ITGB3BP: variants seen among roughly 807,000 people sequenced by gnomAD.
ITGB3BP encodes the protein centromere protein R.
A neutral mutation model predicts 29.1 loss-of-function variants in ITGB3BP; 27 were observed. That is an observed-to-expected ratio of 0.93 (90% CI 0.68 to 1.28). The LOEUF (loss-of-function observed/expected upper bound fraction) is 1.28, where lower values mean the gene tolerates loss of function less well. Among genes scored for constraint, ITGB3BP ranks in the 50% most tolerant of loss-of-function variants. The pLI, the probability that ITGB3BP is intolerant of heterozygous loss-of-function variation, is 0.00. For missense variants in ITGB3BP, 192 were observed against 200.2 expected, an observed-to-expected ratio of 0.96 and a Z score of 0.25; for synonymous variants, 61 against 61.4, an observed-to-expected ratio of 0.99 and a Z score of 0.03.
At chr1:63,485,134 T>C (rs1645502808) in intron 3 of ITGB3BP, among the ~76,000 whole-genome samples, 1 of 152,092 alleles carries the variant, frequency 6.6e-6, no homozygotes, top group African/African-American at 2.4e-5. Flanking sequence ...ATAATGCTAT[T>C]AATGAAAATG....
chr1:63,493,091 C>CGCGCGCGT (rs1645697673), intron 2 of ITGB3BP, among the ~76,000 whole-genome samples: 3 of 150,390 alleles, frequency 2.0e-5, no homozygotes, highest in Middle Eastern at 3.5e-3. Flanking sequence ...CACACACACG[C>CGCGCGCGT]GCGCGCGCGC....
intron 4 of ITGB3BP, among the ~76,000 whole-genome samples, chr1:63,456,368 T>G (rs1457148737): frequency 6.6e-6 from 1 of 152,150 alleles, no homozygotes; most frequent in Non-Finnish European, 1.5e-5. Flanking sequence ...TATTACGTAT[T>G]TTCAATCAGA....
chr1:63,523,258 A>C, upstream of ITGB3BP: 1 of 1,327,510 alleles, frequency 7.5e-7, no homozygotes, highest in East Asian at 2.3e-5. Flanking sequence ...CGTCAAGCCC[A>C]CCGCGGCCGG....
At chr1:63,485,660 T>C (rs1296948515) in intron 3 of ITGB3BP, among the ~76,000 whole-genome samples, 1 of 152,128 alleles carries the variant, frequency 6.6e-6, no homozygotes, top group East Asian at 1.9e-4. Context: ...TTTAAGAGAA[T>C]CTGTGAGTGG....
chr1:63,501,437 G>C (rs904283780), intron 2 of ITGB3BP, among the ~76,000 whole-genome samples: 1 of 152,166 alleles, frequency 6.6e-6, no homozygotes, highest in Non-Finnish European at 1.5e-5. Flanking sequence ...AAGTAGATTA[G>C]TGGTTTCCAG....
At chr1:63,519,548 T>C (rs1646404894) in intron 1 of ITGB3BP, among the ~76,000 whole-genome samples, 1 of 150,850 alleles carries the variant, frequency 6.6e-6, no homozygotes, top group Non-Finnish European at 1.5e-5. Flanking sequence ...TTAAATTTCA[T>C]ATTTTTCTTA....
chr1:63,504,870 C>G (rs1570296794), intron 2 of ITGB3BP, among the ~76,000 whole-genome samples: 1 of 152,160 alleles, frequency 6.6e-6, no homozygotes, highest in African/African-American at 2.4e-5. Context: ...CCCACTTGAT[C>G]ATGGTGGATA....
chr1:63,488,944 A>G (rs541993196), intron 3 of ITGB3BP, among the ~76,000 whole-genome samples: 2 of 152,250 alleles, frequency 1.3e-5, no homozygotes, highest in South Asian at 4.1e-4. Context: ...TGTCCCCTTA[A>G]GTCCATACTT....
At chr1:63,480,095 AAAAT>A (rs1209245751) in intron 3 of ITGB3BP, among the ~76,000 whole-genome samples, 2 of 152,126 alleles carry the variant, frequency 1.3e-5, no homozygotes, top group African/African-American at 4.8e-5. Flanking sequence ...AGATAACAAT[AAAAT>A]AAATAAATGG....
chr1:63,450,220 AC>A (rs1375372998), intron 7 of ITGB3BP, among the ~76,000 whole-genome samples: 1 of 151,988 alleles, frequency 6.6e-6, no homozygotes, highest in Non-Finnish European at 1.5e-5. Context: ...GAAACACTGA[AC>A]AATGTAAAGT....
Position 63,454,070 on chromosome 1 carries a change from C to T in ITGB3BP, c.428-96G>A. 4.8e-6 allele frequency: 3 copies of T among 624,988 alleles called. No individual in the cohort carries two copies. Among genetic ancestry groups the T allele is most frequent in the Non-Finnish European group, 8.3e-6 (3 of 360,140 alleles). The allele number at this position is 624,988 out of a possible 1,614,324, so 38.7% of individuals were successfully genotyped here. On this transcript the variant is annotated intron_variant, in intron 6 of 8. Transcript: ENST00000271002. This position sits in a 1 kb window ranked among gnomAD's most constrained non-coding sequence, Gnocchi z 4.1. ...ACAACTTCATGAGAAAAAAATAATT[C>T]AAAATAATACATATTTATAAGTACC...
At chr1:63,460,225 C>G (rs1644995422) in intron 4 of ITGB3BP, among the ~76,000 whole-genome samples, 1 of 152,134 alleles carries the variant, frequency 6.6e-6, no homozygotes, top group African/African-American at 2.4e-5. Flanking sequence ...TGTTGTGCAA[C>G]CATCACCACT....
At chr1:63,520,049 A>G (rs1046781733) in intron 1 of ITGB3BP, among the ~76,000 whole-genome samples, 1 of 152,138 alleles carries the variant, frequency 6.6e-6, no homozygotes. Flanking sequence ...GATGTACACT[A>G]ATTAGCAAGA....
At chr1:63,481,803 T>C (rs1370241894) in intron 3 of ITGB3BP, among the ~76,000 whole-genome samples, 1 of 152,238 alleles carries the variant, frequency 6.6e-6, no homozygotes, top group African/African-American at 2.4e-5. Context: ...ACATATGATA[T>C]CTAATTAACT....
chr1:63,508,528 A>AT lies in ITGB3BP; in HGVS notation c.47dup (p.Asn16LysfsTer4). On this transcript the variant is annotated frameshift_variant and splice_region_variant, in exon 2 of 9. Coordinates refer to ENST00000271002, the MANE Select transcript of ITGB3BP (RefSeq NM_014288.5). LOFTEE classifies it high-confidence loss of function. ...GACAAACTTTTAAGCAAATACTTAC[A>AT]TTTTCTTCTAACAGACCATCCAACT... is the stretch of plus-strand genomic sequence containing the variant. 1 of 1,410,664 alleles carries AT rather than the reference A, an allele frequency of 7.1e-7. No individual in the cohort carries two copies. Among genetic ancestry groups the AT allele is most frequent in the Non-Finnish European group, 9.7e-7 (1 of 1,035,724 alleles). The allele number at this position is 1,410,664 out of a possible 1,614,324, so 87.4% of individuals were successfully genotyped here. A position where few individuals can be genotyped will look rare whatever the true frequency, so the allele number is the denominator to read the frequency against.
chr1:63,448,899 GTATGTGAGA>G (rs1644824999), intron 7 of ITGB3BP, among the ~76,000 whole-genome samples: 1 of 151,988 alleles, frequency 6.6e-6, no homozygotes, highest in African/African-American at 2.4e-5. Flanking sequence ...AAAATTCATA[GTATGTGAGA>G]TATGTCTCTG....
rs370688850 is a variant in ITGB3BP at position 63,478,863 on chromosome 1, A to C, written c.185-30T>G. On this transcript the variant is annotated intron_variant, in intron 3 of 8. Transcript: ENST00000271002. ...ATATGTGTAATAAAGAAAAGGACAT[A>C]AAGTTAAAGGAGAAATCATCAAATT... 3.8e-6 allele frequency: 3 copies of C among 785,016 alleles called. No homozygotes were observed. In the African/African-American group the frequency reaches 5.4e-5, roughly 14 times the overall value. 48.6% of individuals were successfully genotyped at this position (785,016 alleles called of 1,614,324 possible). A position where few individuals can be genotyped will look rare whatever the true frequency, so the allele number is the denominator to read the frequency against.
intron 1 of ITGB3BP, among the ~76,000 whole-genome samples, chr1:63,514,438 A>C (rs965257027): frequency 6.6e-6 from 1 of 152,164 alleles, no homozygotes. Flanking sequence ...ATATTTATTT[A>C]ATTTCATAAG....
At chr1:63,459,893 A>G (rs1331847132) in intron 4 of ITGB3BP, among the ~76,000 whole-genome samples, 1 of 152,130 alleles carries the variant, frequency 6.6e-6, no homozygotes, top group African/African-American at 2.4e-5. Flanking sequence ...CTACTAACAG[A>G]GAAGGTCAGA....
Sources: gnomAD v4.1 joint callset for allele counts (sites outside exome capture counted in the v4.1 genomes callset) on GRCh38, gnomAD v4.1.1 for gene constraint, Gnocchi (gnomAD v3.1) non-coding constraint, MANE v1.5 for transcripts, NCBI Gene and HGNC (gene_info 2026-07-23, HGNC 2026-07-21) for gene names.